Variants in RBFOX3 observed in about 807,000 individuals in gnomAD.
RBFOX3 encodes the protein RNA binding protein fox-1 homolog 3.
In RBFOX3, 17 loss-of-function variants were observed where a neutral mutation model predicts 48.7. The observed-to-expected ratio is 0.35, with a 90% CI of 0.24 to 0.52. RBFOX3 has a LOEUF of 0.52. Ranked by LOEUF, RBFOX3 falls within the 20% of genes least tolerant of loss-of-function variation. The pLI, the probability that RBFOX3 is intolerant of heterozygous loss-of-function variation, is 0.94. For missense variants in RBFOX3, 382 were observed against 497.5 expected, an observed-to-expected ratio of 0.77 and a Z score of 2.21; for synonymous variants, 212 against 209.5, an observed-to-expected ratio of 1.01 and a Z score of -0.10.
chr17:79,432,321 G>A (rs2068614549), intron 2 of RBFOX3, among the ~76,000 whole-genome samples: 1 of 152,196 alleles, frequency 6.6e-6, no homozygotes, highest in African/African-American at 2.4e-5. Context: ...CAGAAGTGGG[G>A]TTGCTGGGAG....
intron 1 of RBFOX3, among the ~76,000 whole-genome samples, chr17:79,583,941 C>A (rs957493477): frequency 6.6e-6 from 1 of 151,864 alleles, no homozygotes; most frequent in African/African-American, 2.4e-5. Context: ...GCGGACATGG[C>A]GGGGGATGGA....
Position 79,195,455 on chromosome 17 carries a change from T to C in RBFOX3, c.-34+40311A>G, listed in dbSNP as rs956613435. ...AAAATGCAAAGCCAACTGGGTCTCT[T>C]CTTAGAGTAAGGCCGCACGCAAGTC... is the stretch of plus-strand genomic sequence containing the variant. On this transcript the variant is annotated intron_variant, in intron 4 of 14. Coordinates refer to ENST00000693108, the MANE Select transcript of RBFOX3 (RefSeq NM_001350451.2). This position sits in a 1 kb window ranked among gnomAD's most constrained non-coding sequence, Gnocchi z 5.3. Among the ~76,000 whole-genome samples the C allele has an allele frequency of 1.6e-4, 24 of 151,832 alleles. No individual in the cohort carries two copies. Among genetic ancestry groups the C allele is most frequent in the African/African-American group, 5.8e-4 (24 of 41,326 alleles).
intron 2 of RBFOX3, among the ~76,000 whole-genome samples, chr17:79,475,198 G>A (rs958758477): frequency 9.9e-5 from 15 of 152,198 alleles, no homozygotes; most frequent in Non-Finnish European, 1.8e-4. Context: ...CGTTCCAGGT[G>A]CCTCCCTCTC....
Position 79,443,397 on chromosome 17 carries a change from CTTTT to C in RBFOX3, c.-175+39053_-175+39056del, listed in dbSNP as rs2071563256. ...ATACACCCTTGCCTCTTTTTTTTTT[CTTTT>C]GAGACAGTCTTGCTCTGTCGCCCAG... On this transcript the variant is annotated intron_variant, in intron 2 of 14. Coordinates refer to ENST00000693108, the MANE Select transcript of RBFOX3 (RefSeq NM_001350451.2). The surrounding 1 kb of genome is among the most constrained non-coding windows in gnomAD (Gnocchi z 4.4). Among the ~76,000 whole-genome samples the C allele has an allele frequency of 6.6e-6, 1 of 150,452 alleles. No individual in the cohort carries two copies. The highest frequency in any genetic ancestry group is 2.4e-5 in the African/African-American group (1 of 40,982).
At chr17:79,402,630 G>A (rs79853608) in intron 2 of RBFOX3, among the ~76,000 whole-genome samples, 114 of 152,346 alleles carry the variant, frequency 7.5e-4, no homozygotes, top group African/African-American at 2.6e-3. Context: ...GGGCCTGGAC[G>A]CTGAGCTCTA....
chr17:79,465,661 G>A (rs871741), intron 2 of RBFOX3, among the ~76,000 whole-genome samples: 40,182 of 152,140 alleles, frequency 0.26, 6,227 homozygotes, highest in Non-Finnish European at 0.36. Context: ...CTCAGCCTCG[G>A]AGGAGCAGCC....
intron 4 of RBFOX3, among the ~76,000 whole-genome samples, chr17:79,213,751 C>T (rs1185989498): frequency 6.6e-6 from 1 of 152,234 alleles, no homozygotes; most frequent in Non-Finnish European, 1.5e-5. Context: ...AAAATCTCTC[C>T]TCCTCTCTTG....
intron 4 of RBFOX3, among the ~76,000 whole-genome samples, chr17:79,138,829 CCACACACA>C (rs2041146868): frequency 7.3e-6 from 1 of 136,212 alleles, no homozygotes; most frequent in Non-Finnish European, 1.6e-5. Flanking sequence ...ACCCCCTCAC[CCACACACA>C]TGCACACAGC....
the RBFOX3 span, among the ~76,000 whole-genome samples, chr17:79,639,474 C>T: frequency 6.6e-6 from 1 of 152,154 alleles, no homozygotes; most frequent in Non-Finnish European, 1.5e-5. Context: ...CCGCACCCAG[C>T]CCCAAGCTAA....
intron 1 of RBFOX3, among the ~76,000 whole-genome samples, chr17:79,512,204 G>A (rs1234134847): frequency 1.8e-4 from 23 of 125,722 alleles, no homozygotes; most frequent in African/African-American, 4.2e-4. Context: ...ATAGCCCCAT[G>A]GCCAGGGGAC....
the RBFOX3 span, among the ~76,000 whole-genome samples, chr17:79,618,277 G>A: frequency 5.3e-5 from 8 of 152,180 alleles, no homozygotes; most frequent in South Asian, 4.1e-4. Flanking sequence ...CAGTGTCTCC[G>A]GGAACAGGCG....
At chr17:79,387,912 G>A (rs987078549) in intron 2 of RBFOX3, among the ~76,000 whole-genome samples, 8 of 107,312 alleles carry the variant, frequency 7.5e-5, no homozygotes, top group African/African-American at 2.2e-4. Flanking sequence ...TTGTGTGTAC[G>A]AGTGTGCATA....
chr17:79,500,078 T>C (rs993707358), intron 1 of RBFOX3, among the ~76,000 whole-genome samples: 57 of 152,176 alleles, frequency 3.7e-4, no homozygotes, highest in African/African-American at 7.2e-4. Flanking sequence ...GTCATTGCCA[T>C]GGTTGGCTCC....
intron 1 of RBFOX3, among the ~76,000 whole-genome samples, chr17:79,576,852 C>T (rs1464980288): frequency 1.3e-5 from 2 of 152,130 alleles, no homozygotes; most frequent in East Asian, 3.8e-4. Context: ...GGTTCTGTTT[C>T]TCCAGAGAAC....
At chr17:79,292,019 C>G (rs1362640972) in intron 3 of RBFOX3, among the ~76,000 whole-genome samples, 3 of 151,872 alleles carry the variant, frequency 2.0e-5, no homozygotes, top group Admixed American at 1.3e-4. Context: ...AGCTTAGGAC[C>G]CCCAAAGCCA....
intron 1 of RBFOX3, among the ~76,000 whole-genome samples, chr17:79,494,247 TCAG>T (rs2081118276): frequency 2.0e-5 from 3 of 151,984 alleles, no homozygotes; most frequent in African/African-American, 7.3e-5. Context: ...ACCTGTCCCC[TCAG>T]CAGTTCAGAG....
chr17:79,328,305 C>A (rs2079650451), intron 2 of RBFOX3, among the ~76,000 whole-genome samples: 2 of 152,204 alleles, frequency 1.3e-5, no homozygotes, highest in Admixed American at 1.3e-4. Flanking sequence ...CCACTTTCTG[C>A]TGAGCATTCA....
At chr17:79,147,063 G>A (rs886958812) in intron 4 of RBFOX3, among the ~76,000 whole-genome samples, 5 of 152,216 alleles carry the variant, frequency 3.3e-5, no homozygotes, top group East Asian at 1.9e-4. Context: ...CGGGTGTCCC[G>A]GGGTCAGCCC....
intron 1 of RBFOX3, among the ~76,000 whole-genome samples, chr17:79,509,417 G>A (rs1158762740): frequency 7.2e-5 from 11 of 151,978 alleles, no homozygotes; most frequent in Admixed American, 2.0e-4. Flanking sequence ...CCCACTCTGC[G>A]GGTATATTTG....
Sources: gnomAD v4.1 joint callset for allele counts (sites outside exome capture counted in the v4.1 genomes callset) on GRCh38, gnomAD v4.1.1 for gene constraint, Gnocchi (gnomAD v3.1) non-coding constraint, MANE v1.5 for transcripts, NCBI Gene and HGNC (gene_info 2026-07-23, HGNC 2026-07-21) for gene names.